LPP: variants seen among roughly 807,000 people sequenced by gnomAD.
The protein encoded by LPP is LIM domain containing preferred translocation partner in lipoma.
Under a neutral mutation model 60.4 loss-of-function variants are expected in LPP, and 38 were observed. That is an observed-to-expected ratio of 0.63 (90% CI 0.49 to 0.83). LPP has a LOEUF of 0.83. Ranked by LOEUF, LPP falls within the 40% of genes least tolerant of loss-of-function variation. The probability of loss-of-function intolerance (pLI) is 0.00; values close to 1 mark genes in which losing one functional copy is unlikely to be tolerated. For missense variants in LPP, 902 were observed against 783.6 expected, an observed-to-expected ratio of 1.15 and a Z score of -1.80; for synonymous variants, 328 against 290.8, an observed-to-expected ratio of 1.13 and a Z score of -1.30.
At chr3:188,791,208 A>G (rs1005840779) in intron 9 of LPP, among the ~76,000 whole-genome samples, 2 of 152,018 alleles carry the variant, frequency 1.3e-5, no homozygotes, top group Non-Finnish European at 1.5e-5. Flanking sequence ...GCTCTGGGAG[A>G]AATGGGTGCA....
intron 9 of LPP, among the ~76,000 whole-genome samples, chr3:188,802,958 G>C (rs1747756264): frequency 6.6e-6 from 1 of 151,066 alleles, no homozygotes; most frequent in African/African-American, 2.4e-5. Context: ...CAACCTGGTT[G>C]TATGCCTTTC....
At chr3:188,671,007 A>G (rs1297149105) in intron 7 of LPP, among the ~76,000 whole-genome samples, 2 of 152,198 alleles carry the variant, frequency 1.3e-5, no homozygotes, top group Non-Finnish European at 2.9e-5. Flanking sequence ...CGTTTTCTAC[A>G]TAAGTTGTCC....
intron 7 of LPP, among the ~76,000 whole-genome samples, chr3:188,651,570 A>G (rs1852091739): frequency 6.6e-6 from 1 of 152,244 alleles, no homozygotes; most frequent in African/African-American, 2.4e-5. Context: ...TACAAAATAA[A>G]GAAGTTTCAA....
chr3:188,689,323 G>A (rs972719760), intron 7 of LPP, among the ~76,000 whole-genome samples: 1 of 152,228 alleles, frequency 6.6e-6, no homozygotes, highest in Non-Finnish European at 1.5e-5. Context: ...AGTCAGAATC[G>A]AAGTCATAGG....
At chr3:188,592,553 T>TG (rs1453946551) in intron 6 of LPP, among the ~76,000 whole-genome samples, 56 of 121,296 alleles carry the variant, frequency 4.6e-4, no homozygotes, top group East Asian at 3.7e-3. Context: ...TTAGTTTTGT[T>TG]TTTGTTTTTT....
At chr3:188,475,820 C>G (rs531190761) in intron 4 of LPP, among the ~76,000 whole-genome samples, 16 of 152,162 alleles carry the variant, frequency 1.1e-4, no homozygotes, top group Admixed American at 7.9e-4. Flanking sequence ...GGAGAATGGC[C>G]TGAACCCGGG....
chr3:188,877,732 G>A lies in LPP; in HGVS notation c.*3253G>A, dbSNP rs555317841. 9.5e-5 allele frequency: 19 copies of A among 200,956 alleles called. No homozygotes were observed. Among genetic ancestry groups the A allele is most frequent in the East Asian group, 3.8e-4 (5 of 13,044 alleles). 12.4% of individuals were successfully genotyped at this position (200,956 alleles called of 1,614,324 possible). On this transcript the variant is annotated 3_prime_UTR_variant, in exon 12 of 12. Coordinates refer to ENST00000617246, the MANE Select transcript of LPP (RefSeq NM_001375462.1). ...AAATTAGCCAGACATGGTGGCATGC[G>A]CTTGTTTAAAAAAACAAATAAATAA...
intron 8 of LPP, among the ~76,000 whole-genome samples, chr3:188,738,690 A>G (rs1577280491): frequency 1.3e-5 from 2 of 152,162 alleles, no homozygotes; most frequent in African/African-American, 2.4e-5. Context: ...GTGTCCTTTA[A>G]TTCTTAACTT....
chr3:188,586,843 T>G (rs1276380936), intron 6 of LPP, among the ~76,000 whole-genome samples: 1 of 151,692 alleles, frequency 6.6e-6, no homozygotes, highest in Non-Finnish European at 1.5e-5. Context: ...TTCTCCTGCC[T>G]CAGCCTCCCG....
chr3:188,691,499 C>T (rs914123206), intron 7 of LPP, among the ~76,000 whole-genome samples: 2 of 152,170 alleles, frequency 1.3e-5, no homozygotes, highest in East Asian at 3.9e-4. Context: ...TGGATGGTGA[C>T]GATGTACATG....
intron 6 of LPP, among the ~76,000 whole-genome samples, chr3:188,590,884 G>C (rs1838552987): frequency 6.6e-6 from 1 of 152,152 alleles, no homozygotes; most frequent in Admixed American, 6.5e-5. Context: ...TCAGTTTAGT[G>C]CTTTATTTCA....
intron 6 of LPP, among the ~76,000 whole-genome samples, chr3:188,535,002 A>G (rs1823181488): frequency 6.6e-6 from 1 of 152,226 alleles, no homozygotes; most frequent in African/African-American, 2.4e-5. Flanking sequence ...TAATTTGAAC[A>G]TACATATTTC....
chr3:188,512,270 A>G (rs577003437), intron 5 of LPP, among the ~76,000 whole-genome samples: 1 of 152,246 alleles, frequency 6.6e-6, no homozygotes, highest in South Asian at 2.1e-4. Context: ...TTTGAAGAAA[A>G]TTCTCGGCCA....
At chr3:188,266,163 A>G (rs1237506373) in intron 2 of LPP, among the ~76,000 whole-genome samples, 1 of 151,306 alleles carries the variant, frequency 6.6e-6, no homozygotes, top group Non-Finnish European at 1.5e-5. Flanking sequence ...TCCTCTTTCT[A>G]TATCACCACC....
rs1474687261 is a variant in LPP, at chr3:188,483,571, T to G, written c.194-1021T>G. On this transcript the variant is annotated intron_variant, in intron 4 of 11. Transcript: ENST00000617246. ...GAAGTTTCTGTTTCCCCAATACAGTTTTTTGCAGACTATTTAAAAAGGTTT... is the reference window on the plus strand; with the variant it reads ...GAAGTTTCTGTTTCCCCAATACAGTGTTTTGCAGACTATTTAAAAAGGTTT... Among the ~76,000 whole-genome samples, 4 of 152,214 alleles carry G rather than the reference T, an allele frequency of 2.6e-5. No homozygotes were observed. The East Asian group carries it at 7.7e-4, about 29-fold the overall frequency.
intron 7 of LPP, among the ~76,000 whole-genome samples, chr3:188,678,329 C>T (rs113344268): frequency 0.069 from 10,452 of 152,228 alleles, 443 homozygotes; most frequent in Non-Finnish European, 0.1. Flanking sequence ...TTATACAGCT[C>T]AGATTTATTT....
intron 9 of LPP, among the ~76,000 whole-genome samples, chr3:188,835,851 C>T (rs1191300707): frequency 6.6e-6 from 1 of 152,128 alleles, no homozygotes; most frequent in Non-Finnish European, 1.5e-5. Context: ...AAGGACAAGC[C>T]TTCTGCCCAG....
intron 5 of LPP, among the ~76,000 whole-genome samples, chr3:188,501,649 T>G (rs113345854): frequency 6.6e-6 from 1 of 151,974 alleles, no homozygotes; most frequent in Non-Finnish European, 1.5e-5. Flanking sequence ...ATCGGGAGGC[T>G]GAGGCAGGAG....
intron 7 of LPP, among the ~76,000 whole-genome samples, chr3:188,641,715 T>C (rs891103460): frequency 6.6e-6 from 1 of 152,184 alleles, no homozygotes; most frequent in Non-Finnish European, 1.5e-5. Context: ...TAACTATTAT[T>C]TTCTTTTCTT....
Sources: allele counts gnomAD v4.1 joint callset (sites outside exome capture counted in the v4.1 genomes callset), GRCh38; gene constraint gnomAD v4.1.1; transcripts MANE v1.5; gene names NCBI Gene and HGNC (gene_info 2026-07-23, HGNC 2026-07-21).